The following ANK3 variants were observed in gnomAD, a reference collection of about 807,000 sequenced individuals.
The protein encoded by ANK3 is ankyrin 3.
A neutral mutation model predicts 370.9 loss-of-function variants in ANK3; 57 were observed. The ratio of observed to expected loss-of-function variants is 0.15; its 90% CI spans 0.12 to 0.19. ANK3 has a LOEUF of 0.19. ANK3 is among the 10% of genes least tolerant of loss of function. The pLI, the probability that ANK3 is intolerant of heterozygous loss-of-function variation, is 1.00. For missense variants in ANK3, 4,439 were observed against 5,302.1 expected, an observed-to-expected ratio of 0.84 and a Z score of 5.06; for synonymous variants, 1,929 against 1,946.3, an observed-to-expected ratio of 0.99 and a Z score of 0.23.
intron 25 of ANK3, among the ~76,000 whole-genome samples, chr10:60,132,357 G>A (rs1332514307): frequency 6.6e-6 from 1 of 152,020 alleles, no homozygotes; most frequent in Non-Finnish European, 1.5e-5. Flanking sequence ...TGAATCATAG[G>A]GGCAGGTATT....
intron 1 of ANK3, among the ~76,000 whole-genome samples, chr10:60,651,891 A>C (rs2078793618): frequency 6.6e-6 from 1 of 152,102 alleles, no homozygotes; most frequent in African/African-American, 2.4e-5. Flanking sequence ...CAAAACAAAC[A>C]CTCAAATAGT....
intron 7 of ANK3, among the ~76,000 whole-genome samples, chr10:60,248,855 T>C (rs1283013378): frequency 2.0e-5 from 3 of 152,202 alleles, no homozygotes; most frequent in Non-Finnish European, 4.4e-5. Flanking sequence ...ATCCTGATAG[T>C]GAGTCTCTTC....
intron 2 of ANK3, among the ~76,000 whole-genome samples, chr10:60,545,704 G>C (rs374513628): frequency 1.3e-5 from 2 of 152,072 alleles, no homozygotes; most frequent in African/African-American, 4.8e-5. Context: ...AAGGTCAAAA[G>C]ATCAGGATAG....
In ANK3 at chr10:60,666,642, G is replaced by C. The variant is rs184119843; in HGVS notation, c.58-51418C>G. Among the ~76,000 whole-genome samples, 366 of 152,210 alleles carry C rather than the reference G, an allele frequency of 2.4e-3. 2 individuals are homozygous for C. Among genetic ancestry groups the C allele is most frequent in the African/African-American group, 8.5e-3 (355 of 41,562 alleles). On this transcript the variant is annotated intron_variant, in intron 1 of 43. Coordinates refer to the ANK3 transcript ENST00000373827. The stretch of plus-strand genomic sequence containing the variant: ...TTTCTTAAGTGTAGAAAACTTAAGA[G>C]AGAAAAAAGAGGTGTGCATATATTA...
At chr10:60,428,254 G>T (rs1296449143) in intron 2 of ANK3, among the ~76,000 whole-genome samples, 52 of 152,144 alleles carry the variant, frequency 3.4e-4, no homozygotes, top group Non-Finnish European at 7.3e-5. Flanking sequence ...TCTGAAACAT[G>T]ACCAAGCACG....
In ANK3 at chr10:60,655,574, A is replaced by T. The variant is rs181996941; in HGVS notation, c.58-40350T>A. Among the ~76,000 whole-genome samples, 318 of 152,192 alleles carry T rather than the reference A, an allele frequency of 2.1e-3. 1 individual carries two copies. The highest frequency in any genetic ancestry group is 7.0e-3 in the African/African-American group (293 of 41,568). ...GCTAAGTGTTATAAAAACATCAAAAATTTTTTTAAAATTAAAAAGTTTATA... is the reference window on the plus strand; with the variant it reads ...GCTAAGTGTTATAAAAACATCAAAATTTTTTTTAAAATTAAAAAGTTTATA... On this transcript the variant is annotated intron_variant, in intron 1 of 43. Coordinates refer to the ANK3 transcript ENST00000373827.
In ANK3 at chr10:60,406,961, A is replaced by T. The variant is rs2132918053; in HGVS notation, c.97-127322T>A. 2.0e-5 allele frequency among the ~76,000 whole-genome samples: 3 copies of T among 152,348 alleles called. No homozygotes were observed. In the South Asian group the frequency reaches 6.2e-4, roughly 32 times the overall value. On this transcript the variant is annotated intron_variant, in intron 2 of 43. Coordinates refer to the ANK3 transcript ENST00000373827. ...CGTTTAATGTCATTTGACCAAATTAATCAGCCATAATAGATCTTTTGTTCA... is the reference window on the plus strand; with the variant it reads ...CGTTTAATGTCATTTGACCAAATTATTCAGCCATAATAGATCTTTTGTTCA...
chr10:60,450,379 C>T (rs2064566955), intron 2 of ANK3, among the ~76,000 whole-genome samples: 1 of 152,180 alleles, frequency 6.6e-6, no homozygotes, highest in South Asian at 2.1e-4. Flanking sequence ...CCCATCATGG[C>T]TGATTTCGAG....
At position 60,487,771 on chromosome 10, in the gene ANK3, A is replaced by T. The variant is rs1009732914; in HGVS notation, c.96+127415T>A. Among the ~76,000 whole-genome samples the T allele has an allele frequency of 2.0e-5, 3 of 148,052 alleles. No homozygotes were observed. The East Asian group carries it at 6.0e-4, about 29-fold the overall frequency. On this transcript the variant is annotated intron_variant, in intron 2 of 43. Coordinates refer to the ANK3 transcript ENST00000373827. The stretch of plus-strand genomic sequence containing the variant: ...CTCTTGTTGCCCAGGTTGGAGTGCC[A>T]TAGCGCGATCTCGGCTCACCACAAC...
At chr10:60,390,482 C>T (rs78846212), upstream of ANK3, among the ~76,000 whole-genome samples, 766 of 152,170 alleles carry the variant, frequency 5.0e-3, 7 homozygotes, top group African/African-American at 0.018. Flanking sequence ...CTTCAATCAC[C>T]TTACTATTTT....
In ANK3 at chr10:60,034,417, G is replaced by A. The variant is rs578051367; in HGVS notation, c.*20-4591C>T. On this transcript the variant is annotated intron_variant, in intron 43 of 43. Transcript: ENST00000280772. ...CACCATGCCCAGCCTGAAATTCTGT[G>A]TTTCTAACAGACTTTTAGGCATGCT... 1.6e-4 allele frequency among the ~76,000 whole-genome samples: 24 copies of A among 152,276 alleles called. 1 individual carries two copies. The highest frequency in any genetic ancestry group is 1.5e-3 in the Admixed American group (23 of 15,296).
Position 60,200,140 on chromosome 10 carries a change from C to T in ANK3, c.1480G>A (p.Ala494Thr), listed in dbSNP as rs773759951. ...AGTATTGCGCATACCTTAGCTTTAG[C>T]TTCTACCTGAGCTCCGTCTTGTACC... ...YLVQDGAQVE[A>T]KAKDDQTPLH... Residue 494 changes from alanine to threonine, a missense_variant, in exon 13 of 44, where the codon GCT (alanine) becomes ACT (threonine). This residue lies in a region of ANK3 where 227 missense variants were observed against 377.6 expected (regional missense o/e 0.60). Transcript: ENST00000280772. 1.2e-6 allele frequency: 2 copies of T among 1,613,892 alleles called. No individual in the cohort carries two copies. The highest frequency in any genetic ancestry group is 1.3e-5 in the African/African-American group (1 of 74,910).
At chr10:60,439,951 ATTAG>A (rs1305600079) in intron 2 of ANK3, among the ~76,000 whole-genome samples, 1 of 152,220 alleles carries the variant, frequency 6.6e-6, no homozygotes, top group African/African-American at 2.4e-5. Context: ...CATGGAAAAA[ATTAG>A]TTAATTAATA....
chr10:60,251,388 T>C (rs778133230), intron 7 of ANK3, among the ~76,000 whole-genome samples: 20 of 152,148 alleles, frequency 1.3e-4, no homozygotes, highest in Admixed American at 2.6e-4. Context: ...ATTTCTTGGC[T>C]GTAAAGAGAT....
intron 25 of ANK3, among the ~76,000 whole-genome samples, chr10:60,128,844 T>C (rs1394011820): frequency 6.6e-6 from 1 of 152,228 alleles, no homozygotes; most frequent in Non-Finnish European, 1.5e-5. Context: ...TTATATCTCC[T>C]GACACTGAAG....
intron 2 of ANK3, among the ~76,000 whole-genome samples, chr10:60,442,459 A>G (rs1365430795): frequency 6.6e-6 from 1 of 152,168 alleles, no homozygotes; most frequent in Non-Finnish European, 1.5e-5. Flanking sequence ...TGTAAATGCT[A>G]TGTAAGTGGT....
At chr10:60,467,655 G>T (rs2065040923) in intron 2 of ANK3, among the ~76,000 whole-genome samples, 2 of 151,996 alleles carry the variant, frequency 1.3e-5, no homozygotes, top group African/African-American at 4.8e-5. Flanking sequence ...TATAATTAAA[G>T]AGCAAAAATT....
intron 1 of ANK3, among the ~76,000 whole-genome samples, chr10:60,332,238 G>A (rs1034553216): frequency 1.3e-5 from 2 of 152,178 alleles, no homozygotes; most frequent in African/African-American, 4.8e-5. Context: ...AAAGTATAAA[G>A]AAGCAATTCT....
chr10:60,556,134 C>T (rs1321904350), intron 2 of ANK3, among the ~76,000 whole-genome samples: 1 of 152,178 alleles, frequency 6.6e-6, no homozygotes, highest in African/African-American at 2.4e-5. Context: ...CTGAGGATGA[C>T]TGAACTTCTA....
Sources: gnomAD v4.1 joint callset for allele counts (sites outside exome capture counted in the v4.1 genomes callset) on GRCh38, gnomAD v4.1.1 for gene constraint, gnomAD v4.1.1 regional missense constraint, MANE v1.5 for transcripts, NCBI Gene and HGNC (gene_info 2026-07-23, HGNC 2026-07-21) for gene names.